The following ANKUB1 variants were observed in gnomAD, a reference collection of about 807,000 sequenced individuals.
ANKUB1 encodes the protein ankyrin repeat and ubiquitin domain containing 1.
A neutral mutation model predicts 49.3 loss-of-function variants in ANKUB1; 42 were observed. That is an observed-to-expected ratio of 0.85 (90% CI 0.67 to 1.10). The LOEUF (loss-of-function observed/expected upper bound fraction) is 1.10. Among genes scored for constraint, ANKUB1 ranks in the 50% least tolerant of loss-of-function variants. The probability of loss-of-function intolerance (pLI) is 0.00; values close to 1 mark genes in which losing one functional copy is unlikely to be tolerated. For missense variants in ANKUB1, 613 were observed against 642.0 expected (o/e 0.95, Z 0.49); for synonymous variants, 222 against 231.0 (o/e 0.96, Z 0.35).
chr3:149,767,057 A>G, intron 5 of ANKUB1, 100 bp downstream of exon 5: 2 of 1,203,932 alleles, frequency 1.7e-6, no homozygotes, highest in Non-Finnish European at 2.3e-6. Context: ...AACAACTTGT[A>G]TTACTTTCAG....
chr3:149,791,378 C>T (rs183536426), intron 1 of ANKUB1, among the ~76,000 whole-genome samples: 18 of 152,282 alleles, frequency 1.2e-4, no homozygotes, highest in Non-Finnish European at 1.5e-5. Flanking sequence ...CCACATGTCA[C>T]TATATCATAC....
intron 5 of ANKUB1, among the ~76,000 whole-genome samples, chr3:149,762,105 C>A (rs1172827578): frequency 6.6e-6 from 1 of 152,178 alleles, no homozygotes; most frequent in African/African-American, 2.4e-5. Flanking sequence ...AATACGATTA[C>A]TCTTTGTAGG....
intron 2 of ANKUB1, among the ~76,000 whole-genome samples, chr3:149,786,954 C>A (rs1007287599): frequency 6.6e-6 from 1 of 152,160 alleles, no homozygotes; most frequent in Non-Finnish European, 1.5e-5. Context: ...GTACCAGTAC[C>A]ATGCTGTTTT....
At position 149,767,684 on chromosome 3, in the gene ANKUB1, G is replaced by A; in HGVS notation, c.978C>T (p.His326=). The change falls in exon 5 of 6, where the codon CAC becomes CAT. Residue 326 remains histidine, a synonymous_variant. Coordinates refer to ENST00000446160, the MANE Select transcript of ANKUB1 (RefSeq NM_001144960.3). ...CACAAAACTGGCTTTTATGAAGACT[G>A]TGACTCTGAGCTCTGAGGATCCATT... is the stretch of plus-strand genomic sequence containing the variant. ...IKQWILRAQS[H]SLHKSQFCGA... 6.4e-7 allele frequency: 1 copy of A among 1,551,656 alleles called. No individual in the cohort carries two copies. The highest frequency in any genetic ancestry group is 8.7e-7 in the Non-Finnish European group (1 of 1,146,998).
Position 149,790,900 on chromosome 3 carries a change from C to CAG in ANKUB1, c.113_114dup (p.Glu39LeufsTer12). On this transcript the variant is annotated frameshift_variant, in exon 2 of 6. Transcript: ENST00000446160. LOFTEE classifies it high-confidence loss of function. The stretch of plus-strand genomic sequence containing the variant: ...AGATACCGCCTGCCTTGTTTGTCTT[C>CAG]AGAGAGAGGAATGTGGAAATAATCC... 6.4e-7 allele frequency: 1 copy of CAG among 1,551,932 alleles called. No individual in the cohort carries two copies. The highest frequency in any genetic ancestry group is 8.7e-7 in the Non-Finnish European group (1 of 1,147,022).
At chr3:149,791,170 A>G (rs193046537) in intron 1 of ANKUB1, among the ~76,000 whole-genome samples, 86 of 152,336 alleles carry the variant, frequency 5.6e-4, no homozygotes, top group African/African-American at 2.1e-3. Context: ...TCTTTCAACT[A>G]TACATGTAGG....
rs35412105 is a variant in ANKUB1, at chr3:149,777,502, A to AC, written c.451+2736_451+2737insG. On this transcript the variant is annotated intron_variant, in intron 3 of 5. Coordinates refer to ENST00000446160, the MANE Select transcript of ANKUB1 (RefSeq NM_001144960.3). ...AACAACAACAACAACAACAACAACA[A>AC]AAAAACACTCCTGTTCCAGAAGGTG... Among the ~76,000 whole-genome samples the AC allele has an allele frequency of 1.4e-3, 211 of 151,666 alleles. 2 individuals carry two copies. In the East Asian group the frequency reaches 0.018, roughly 13 times the overall value.
intron 2 of ANKUB1, chr3:149,783,699 T>G (rs1210995165): frequency 6.6e-6 from 1 of 152,242 alleles, no homozygotes; most frequent in Non-Finnish European, 1.5e-5. Context: ...AGAAGCTTGC[T>G]GAACTATTCC....
chr3:149,763,050 C>A (rs2108259954), intron 5 of ANKUB1, among the ~76,000 whole-genome samples: 1 of 152,270 alleles, frequency 6.6e-6, no homozygotes, highest in South Asian at 2.1e-4. Context: ...ATAAAAGTAC[C>A]ATAGTGTTTC....
At position 149,770,693 on chromosome 3, in the gene ANKUB1, G is replaced by T. The variant is rs562177849; in HGVS notation, c.452-19C>A. The T allele has an allele frequency of 3.9e-5, 57 of 1,466,190 alleles. No individual in the cohort carries two copies. Among genetic ancestry groups the T allele is most frequent in the Non-Finnish European group, 2.8e-6 (3 of 1,078,186 alleles). The allele number at this position is 1,466,190 out of a possible 1,614,324, so 90.8% of individuals were successfully genotyped here. The stretch of plus-strand genomic sequence containing the variant: ...GTTGTGCCTGTGGATCAAGAGAGGT[G>T]GTTTATGGTTCCAGTCCAGCAGTGT... On this transcript the variant is annotated intron_variant, in intron 3 of 5. Coordinates refer to ENST00000446160, the MANE Select transcript of ANKUB1 (RefSeq NM_001144960.3).
chr3:149,773,472 A>G (rs1199547766), intron 3 of ANKUB1, among the ~76,000 whole-genome samples: 1 of 152,106 alleles, frequency 6.6e-6, no homozygotes, highest in Non-Finnish European at 1.5e-5. Context: ...AGAATTCTGG[A>G]ATTATTCTGT....
chr3:149,768,103 A>T lies in ANKUB1; in HGVS notation c.567-8T>A. 1 of 1,341,334 alleles carries T rather than the reference A, an allele frequency of 7.5e-7. No individual in the cohort carries two copies. The allele number at this position is 1,341,334 out of a possible 1,614,324, so 83.1% of individuals were successfully genotyped here. On this transcript the variant is annotated splice_region_variant and splice_polypyrimidine_tract_variant and intron_variant, in intron 4 of 5. Transcript: ENST00000446160. ...GCTACCCTTTTCTGATACCTAAATG[A>T]GTGAAACAAGTGGGGAGGGGGTGTT...
chr3:149,791,701 G>A (rs910589236), intron 1 of ANKUB1, among the ~76,000 whole-genome samples: 1 of 152,124 alleles, frequency 6.6e-6, no homozygotes, highest in Non-Finnish European at 1.5e-5. Context: ...TTTTATTTTA[G>A]AGTGAACATT....
Position 149,780,219 on chromosome 3 carries a change from T to C in ANKUB1, c.451+20A>G. The C allele has an allele frequency of 2.6e-6, 4 of 1,544,146 alleles. No homozygotes were observed. The highest frequency in any genetic ancestry group is 2.6e-6 in the Non-Finnish European group (3 of 1,140,446). ...CCCTAGTGCCAAATGGTAGCTGATATCAAATATACTGGGCAGTACCAATAT... is the reference window on the plus strand; with the variant it reads ...CCCTAGTGCCAAATGGTAGCTGATACCAAATATACTGGGCAGTACCAATAT... On this transcript the variant is annotated intron_variant, in intron 3 of 5. Coordinates refer to ENST00000446160, the MANE Select transcript of ANKUB1 (RefSeq NM_001144960.3).
At chr3:149,779,263 C>T (rs1469901202) in intron 3 of ANKUB1, 2 of 151,742 alleles carry the variant, frequency 1.3e-5, no homozygotes, top group African/African-American at 2.4e-5. Flanking sequence ...TAGCCTTAAC[C>T]TCTTGGCCCA....
intron 5 of ANKUB1, among the ~76,000 whole-genome samples, chr3:149,763,726 T>A (rs1175099440): frequency 6.6e-6 from 1 of 152,192 alleles, no homozygotes; most frequent in Non-Finnish European, 1.5e-5. Flanking sequence ...TTGACCTGTG[T>A]AAAGCCTACT....
chr3:149,778,349 G>A (rs1287652698), intron 3 of ANKUB1: 1 of 152,102 alleles, frequency 6.6e-6, no homozygotes, highest in African/African-American at 2.4e-5. Flanking sequence ...GAGTAGGTAT[G>A]TTGTCCTTGA....
At chr3:149,784,336 C>G (rs546922178) in intron 2 of ANKUB1, among the ~76,000 whole-genome samples, 274 of 152,276 alleles carry the variant, frequency 1.8e-3, no homozygotes, top group South Asian at 7.5e-3. Flanking sequence ...ATAGTTGCCC[C>G]CTTTGCAGTA....
At chr3:149,768,179 A>G in intron 4 of ANKUB1, 84 bp from the exon 5 acceptor site, 1 of 966,248 alleles carries the variant, frequency 1.0e-6, no homozygotes. Context: ...CTCATGAAAT[A>G]TTCTAGTTGA....
Sources: allele counts gnomAD v4.1 joint callset (sites outside exome capture counted in the v4.1 genomes callset), GRCh38; gene constraint gnomAD v4.1.1; transcripts MANE v1.5; gene names NCBI Gene and HGNC (gene_info 2026-07-23, HGNC 2026-07-21).